Variants in FAM174A observed in about 807,000 individuals in gnomAD.
FAM174A encodes family with sequence similarity 174 member A.
FAM174A carries 14 observed loss-of-function variants against 14.3 expected under a neutral mutation model. The observed-to-expected ratio is 0.98, with a 90% confidence interval of 0.65 to 1.53. The LOEUF is 1.53. Among genes scored for constraint, FAM174A ranks in the 40% most tolerant of loss-of-function variants. The probability of loss-of-function intolerance (pLI) is 0.00; values close to 1 mark genes in which losing one functional copy is unlikely to be tolerated. For missense variants in FAM174A, 241 were observed against 249.6 expected (o/e 0.97, Z 0.23); for synonymous variants, 108 against 111.4 (o/e 0.97, Z 0.19).
chr5:100,573,088 T>C (rs1746826191), intron 2 of FAM174A, among the ~76,000 whole-genome samples: 1 of 152,230 alleles, frequency 6.6e-6, no homozygotes, highest in Non-Finnish European at 1.5e-5. Context: ...TGCCCACTTT[T>C]TGATGGGGTT....
intron 1 of FAM174A, among the ~76,000 whole-genome samples, chr5:100,561,659 C>T (rs1012876851): frequency 6.6e-6 from 1 of 151,702 alleles, no homozygotes; most frequent in Admixed American, 6.6e-5. Context: ...CTTAGAGGGG[C>T]ATCTAAACAG....
chr5:100,547,118 G>A (rs937207287), intron 1 of FAM174A, among the ~76,000 whole-genome samples: 1 of 152,026 alleles, frequency 6.6e-6, no homozygotes. Context: ...CTAGCCTAGG[G>A]ATTGACAGTC....
chr5:100,572,970 T>A (rs1191496740), intron 2 of FAM174A, among the ~76,000 whole-genome samples: 1 of 152,222 alleles, frequency 6.6e-6, no homozygotes, highest in Non-Finnish European at 1.5e-5. Context: ...GGTATCTCAT[T>A]GTGGTTTTGA....
intron 1 of FAM174A, among the ~76,000 whole-genome samples, chr5:100,558,499 C>T (rs1746446733): frequency 6.6e-6 from 1 of 152,028 alleles, no homozygotes; most frequent in Non-Finnish European, 1.5e-5. Flanking sequence ...TCCTTTTTAA[C>T]TTTCTGTCTG....
intron 2 of FAM174A, among the ~76,000 whole-genome samples, chr5:100,585,687 T>TA (rs1335163289): frequency 6.6e-6 from 1 of 152,218 alleles, no homozygotes; most frequent in Non-Finnish European, 1.5e-5. Flanking sequence ...GTGCTGGGAT[T>TA]ACAGTTGTGA....
intron 1 of FAM174A, among the ~76,000 whole-genome samples, chr5:100,542,253 A>G (rs2112364867): frequency 6.6e-6 from 1 of 152,330 alleles, no homozygotes; most frequent in East Asian, 1.9e-4. Flanking sequence ...CCAACTTCTT[A>G]CGGGATAGAT....
chr5:100,579,727 T>C (rs927767299), intron 2 of FAM174A, among the ~76,000 whole-genome samples: 2 of 152,134 alleles, frequency 1.3e-5, no homozygotes, highest in Non-Finnish European at 2.9e-5. Context: ...TGCCTGGCCA[T>C]GATATTTTTA....
chr5:100,569,226 T>G (rs1004767744), intron 2 of FAM174A, among the ~76,000 whole-genome samples: 11 of 151,930 alleles, frequency 7.2e-5, no homozygotes, highest in Non-Finnish European at 1.2e-4. Flanking sequence ...ATATGCTGTA[T>G]TATACTTTTT....
At chr5:100,558,899 A>G (rs930745260) in intron 1 of FAM174A, among the ~76,000 whole-genome samples, 4 of 152,088 alleles carry the variant, frequency 2.6e-5, no homozygotes, top group African/African-American at 9.7e-5. Context: ...CCAATTTGCC[A>G]GTCTGTGTCT....
intron 2 of FAM174A, among the ~76,000 whole-genome samples, chr5:100,565,484 A>C (rs1265880301): frequency 6.6e-6 from 1 of 151,884 alleles, no homozygotes; most frequent in African/African-American, 2.4e-5. Flanking sequence ...TTAATAGCCA[A>C]AAATCTCACA....
At chr5:100,568,345 A>G (rs1746706476) in intron 2 of FAM174A, among the ~76,000 whole-genome samples, 1 of 151,844 alleles carries the variant, frequency 6.6e-6, no homozygotes, top group Admixed American at 6.6e-5. Context: ...CCTTGAAATC[A>G]GGCATTTCTC....
intron 2 of FAM174A, among the ~76,000 whole-genome samples, chr5:100,576,196 T>C (rs1746901179): frequency 1.3e-5 from 2 of 152,180 alleles, no homozygotes; most frequent in South Asian, 4.1e-4. Context: ...TTATATTAAA[T>C]TGAGCCATAT....
intron 1 of FAM174A, among the ~76,000 whole-genome samples, chr5:100,556,055 C>T (rs945078824): frequency 1.3e-5 from 2 of 152,136 alleles, no homozygotes; most frequent in Non-Finnish European, 2.9e-5. Context: ...AGGTTTTCTT[C>T]TAGGGTTTTT....
intron 1 of FAM174A, 40 bp downstream of exon 1, chr5:100,536,004 G>C (rs1561310124): frequency 6.6e-7 from 1 of 1,513,268 alleles, no homozygotes; most frequent in African/African-American, 1.4e-5. Flanking sequence ...GTGGGCCTGA[G>C]ATACGCAGGC....
chr5:100,560,538 GTA>G (rs1287613340), intron 1 of FAM174A, among the ~76,000 whole-genome samples: 3 of 151,934 alleles, frequency 2.0e-5, no homozygotes, highest in Non-Finnish European at 4.4e-5. Flanking sequence ...TTCTTTGTTT[GTA>G]CTCACACTTA....
chr5:100,562,238 C>A, intron 2 of FAM174A, 50 bp downstream of exon 2: 1 of 1,505,504 alleles, frequency 6.6e-7, no homozygotes. Context: ...AAGTCCTTGC[C>A]AAGTAAACTG....
intron 2 of FAM174A, among the ~76,000 whole-genome samples, chr5:100,577,308 A>T (rs913170104): frequency 6.6e-6 from 1 of 152,142 alleles, no homozygotes; most frequent in Non-Finnish European, 1.5e-5. Context: ...ACAGATTCTA[A>T]AAGCTAATAT....
At chr5:100,576,884 C>A (rs1266901018) in intron 2 of FAM174A, among the ~76,000 whole-genome samples, 1 of 152,174 alleles carries the variant, frequency 6.6e-6, no homozygotes, top group East Asian at 1.9e-4. Flanking sequence ...AATCTCAGTT[C>A]TTGGACTGTT....
chr5:100,540,577 A>AT (rs1412864756), intron 1 of FAM174A, among the ~76,000 whole-genome samples: 1 of 152,096 alleles, frequency 6.6e-6, no homozygotes, highest in South Asian at 2.1e-4. Flanking sequence ...AGTAATGAAT[A>AT]TTTTTTTGCA....
Sources: allele counts gnomAD v4.1 joint callset (sites outside exome capture counted in the v4.1 genomes callset), GRCh38; gene constraint gnomAD v4.1.1; transcripts MANE v1.5; gene names NCBI Gene and HGNC (gene_info 2026-07-23, HGNC 2026-07-21).